Variants in HELZ observed in about 807,000 individuals in gnomAD.
HELZ encodes ATP-dependent RNA helicase with zinc finger domain.
In HELZ, 23 loss-of-function variants were observed where a neutral mutation model predicts 218.2. The ratio of observed to expected loss-of-function variants is 0.11; its 90% CI spans 0.08 to 0.15. HELZ has a LOEUF of 0.15. Ranked by LOEUF, HELZ falls within the 10% of genes least tolerant of loss-of-function variation. The pLI is 1.00. For missense variants in HELZ, 1,813 were observed against 2,353.7 expected, an observed-to-expected ratio of 0.77 and a Z score of 4.75; for synonymous variants, 814 against 829.4, an observed-to-expected ratio of 0.98 and a Z score of 0.32.
In HELZ at chr17:67,222,131, G is replaced by A. The variant is rs2040763612; in HGVS notation, c.-18-3309C>T. Among the ~76,000 whole-genome samples, 4 of 152,098 alleles carry A rather than the reference G, an allele frequency of 2.6e-5. No individual in the cohort carries two copies. The South Asian group carries it at 8.3e-4, about 31-fold the overall frequency. On this transcript the variant is annotated intron_variant, in intron 3 of 32. Transcript: ENST00000358691. ...GCTGGGATTACAGGCGTGAGCCACTGTACCCAGCCTACATAAAGCTGAAAT... is the reference window on the plus strand; with the variant it reads ...GCTGGGATTACAGGCGTGAGCCACTATACCCAGCCTACATAAAGCTGAAAT...
intron 8 of HELZ, among the ~76,000 whole-genome samples, chr17:67,194,459 C>T (rs1000843347): frequency 9.9e-5 from 15 of 152,192 alleles, no homozygotes; most frequent in Admixed American, 8.5e-4. Context: ...TCCACTACTG[C>T]ACAGTGAGAA....
At chr17:67,085,790 C>T (rs1005357747) in intron 32 of HELZ, among the ~76,000 whole-genome samples, 2 of 152,014 alleles carry the variant, frequency 1.3e-5, no homozygotes, top group African/African-American at 4.8e-5. Context: ...AGAATTCAAG[C>T]AGTATAATTA....
chr17:67,151,960 T>A (rs1231454428), intron 17 of HELZ, among the ~76,000 whole-genome samples: 1 of 152,170 alleles, frequency 6.6e-6, no homozygotes, highest in African/African-American at 2.4e-5. Context: ...CACAGGCAGA[T>A]CACATAGGGC....
At chr17:67,227,698 T>C (rs376614063) in intron 3 of HELZ, among the ~76,000 whole-genome samples, 19 of 152,236 alleles carry the variant, frequency 1.2e-4, no homozygotes, top group Middle Eastern at 3.4e-3. Flanking sequence ...AGCTAGATGG[T>C]TGGTCCAGGA....
At chr17:67,201,076 A>G in intron 7 of HELZ, 53 bp downstream of exon 7, 1 of 1,273,046 alleles carries the variant, frequency 7.9e-7, no homozygotes, top group Non-Finnish European at 1.2e-6. Context: ...CATAATGCTT[A>G]CTAGACAGAT....
intron 10 of HELZ, 37 bp from the exon 11 acceptor site, chr17:67,189,733 G>A (rs536331705): frequency 1.5e-6 from 2 of 1,298,062 alleles, no homozygotes; most frequent in Non-Finnish European, 2.2e-6. Context: ...TGTTTTTATT[G>A]CTAAGGGCAC....
chr17:67,148,490 T>C (rs2038577731), intron 20 of HELZ, 79 bp downstream of exon 20: 2 of 1,212,948 alleles, frequency 1.6e-6, no homozygotes, highest in Middle Eastern at 2.0e-4. Flanking sequence ...CATCTGTCCC[T>C]AGCAGCAGTG....
rs1246806844 is a variant in HELZ, at chr17:67,107,197, G to C, written c.5213C>G (p.Ser1738Cys). The C allele has an allele frequency of 6.2e-7, 1 of 1,614,048 alleles. No individual in the cohort carries two copies. Among genetic ancestry groups the C allele is most frequent in the Admixed American group, 1.7e-5 (1 of 60,016 alleles). Residue 1738 changes from serine to cysteine, a missense_variant, in exon 31 of 33, where the codon TCT becomes TGT. Physicochemically the swap from Ser to Cys is moderately radical, Grantham distance 112 (BLOSUM62 -1). Around this residue, in one of 4 missense-constraint regions of HELZ, gnomAD observed 938 missense variants for 1,027.5 expected, o/e 0.91. Coordinates refer to ENST00000358691, the MANE Select transcript of HELZ (RefSeq NM_014877.4). ...TTCTAAGCTAGGGAGCGAAGAAGAA[G>C]ATACTGTTCGAGATGACAATGGGTG... is the stretch of plus-strand genomic sequence containing the variant. ...PFHPLSSRTVSSSSLPSLEEY... is the reference protein window; with the variant it reads ...PFHPLSSRTVCSSSLPSLEEY...
intron 11 of HELZ, among the ~76,000 whole-genome samples, chr17:67,189,197 G>A (rs1229837695): frequency 6.6e-6 from 1 of 152,164 alleles, no homozygotes; most frequent in African/African-American, 2.4e-5. Flanking sequence ...CACAGAATTT[G>A]TGACTTCATC....
At chr17:67,244,420 A>C in intron 1 of HELZ, 1 of 184,004 alleles carries the variant, frequency 5.4e-6, no homozygotes, top group Non-Finnish European at 1.0e-5. Flanking sequence ...AGAAGGCTCC[A>C]ATAATTTAGG....
At chr17:67,130,328 C>T (rs1217620825) in intron 23 of HELZ, among the ~76,000 whole-genome samples, 7 of 149,186 alleles carry the variant, frequency 4.7e-5, no homozygotes, top group South Asian at 2.1e-4. Context: ...ATAAAGCTGT[C>T]GAAAAAAGAA....
intron 32 of HELZ, 85 bp downstream of exon 32, chr17:67,086,744 G>A: frequency 7.1e-7 from 1 of 1,404,442 alleles, no homozygotes; most frequent in Admixed American, 1.8e-5. Flanking sequence ...ATGCAAATTG[G>A]GGGCAGGTGG....
At chr17:67,095,807 G>A (rs1026480302) in intron 31 of HELZ, among the ~76,000 whole-genome samples, 1 of 152,134 alleles carries the variant, frequency 6.6e-6, no homozygotes, top group Admixed American at 6.6e-5. Flanking sequence ...TAGCAATACA[G>A]TATATATTTT....
At chr17:67,223,683 C>T (rs2040812151) in intron 3 of HELZ, among the ~76,000 whole-genome samples, 2 of 151,958 alleles carry the variant, frequency 1.3e-5, no homozygotes, top group African/African-American at 4.8e-5. Context: ...ACCCAGGAGG[C>T]GAAGGTTGCA....
At position 67,072,325 on chromosome 17, in the gene HELZ, G is replaced by C. The variant is rs1439160588; in HGVS notation, c.*5927C>G. ...TACTCCAGCCAGGGCAACAGAGCGA[G>C]ACTCTGCCCCGAAGAAAAAAAAACA... On this transcript the variant is annotated 3_prime_UTR_variant, in exon 33 of 33. Coordinates refer to ENST00000358691, the MANE Select transcript of HELZ (RefSeq NM_014877.4). The C allele has an allele frequency of 2.6e-5, 4 of 152,524 alleles. No homozygotes were observed. The highest frequency in any genetic ancestry group is 9.7e-5 in the African/African-American group (4 of 41,436). 9.4% of individuals were successfully genotyped at this position (152,524 alleles called of 1,614,324 possible).
At chr17:67,244,983 C>T (rs1008683212) in intron 1 of HELZ, 165 bp downstream of exon 1, 4 of 985,682 alleles carry the variant, frequency 4.1e-6, no homozygotes, top group Admixed American at 6.2e-5. Flanking sequence ...CTCGAAGAGC[C>T]GCGCTTCCCA....
At chr17:67,138,177 C>T (rs970274481) in intron 21 of HELZ, 63 bp from the exon 22 acceptor site, 8 of 1,313,198 alleles carry the variant, frequency 6.1e-6, no homozygotes, top group Admixed American at 2.5e-5. Context: ...AAAATAATAT[C>T]GTAACTAAAA....
chr17:67,091,359 A>C (rs1020151248), intron 31 of HELZ, among the ~76,000 whole-genome samples: 1 of 152,154 alleles, frequency 6.6e-6, no homozygotes, highest in African/African-American at 2.4e-5. Context: ...GGCAAGGATT[A>C]AACATTTATC....
upstream of HELZ, chr17:67,245,439 C>T (rs988746054): frequency 1.6e-5 from 16 of 975,862 alleles, no homozygotes; most frequent in Middle Eastern, 5.3e-4. Context: ...GCCCCGGCCT[C>T]CCTGCCCCCA....
Sources: allele counts gnomAD v4.1 joint callset (sites outside exome capture counted in the v4.1 genomes callset), GRCh38; gene constraint gnomAD v4.1.1; regional missense constraint gnomAD v4.1.1; transcripts MANE v1.5; gene names NCBI Gene and HGNC (gene_info 2026-07-23, HGNC 2026-07-21).